Variants in DISC1 observed in about 807,000 individuals in gnomAD.
DISC1 encodes the protein DISC1 scaffold protein, also known as disrupted in schizophrenia 1 protein.
Under a neutral mutation model 84.5 loss-of-function variants are expected in DISC1, and 57 were observed. That is an observed-to-expected ratio of 0.67 (90% CI 0.55 to 0.84). The LOEUF is 0.84. Ranked by LOEUF, DISC1 falls within the 40% of genes least tolerant of loss-of-function variation. The probability of loss-of-function intolerance (pLI) is 0.00; values close to 1 mark genes in which losing one functional copy is unlikely to be tolerated. For missense variants in DISC1, 1,000 were observed against 1,057.8 expected (o/e 0.95, Z 0.76); for synonymous variants, 411 against 415.2 (o/e 0.99, Z 0.12).
At chr1:231,683,197 A>G (rs1431439997) in intron 1 of DISC1, among the ~76,000 whole-genome samples, 1 of 152,188 alleles carries the variant, frequency 6.6e-6, no homozygotes, top group Non-Finnish European at 1.5e-5. Flanking sequence ...CTGCAAAGCA[A>G]CAACCTCTCT....
intron 6 of DISC1, among the ~76,000 whole-genome samples, chr1:231,794,037 G>A (rs993381182): frequency 2.0e-5 from 3 of 152,092 alleles, no homozygotes; most frequent in Non-Finnish European, 2.9e-5. Context: ...ACCCCCCAAG[G>A]CCTCCCAAAG....
chr1:231,900,201 C>T (rs991975227), intron 9 of DISC1, among the ~76,000 whole-genome samples: 1 of 152,210 alleles, frequency 6.6e-6, no homozygotes, highest in Non-Finnish European at 1.5e-5. Flanking sequence ...CAGGAGATCG[C>T]TATTATCAGC....
intron 9 of DISC1, among the ~76,000 whole-genome samples, chr1:231,882,554 T>C (rs2086367922): frequency 6.6e-6 from 1 of 152,228 alleles, no homozygotes; most frequent in Non-Finnish European, 1.5e-5. Context: ...GTTTGAATAA[T>C]CAAAACGTAT....
chr1:231,811,808 G>A (rs2738876), intron 8 of DISC1, among the ~76,000 whole-genome samples: 2 of 152,158 alleles, frequency 1.3e-5, no homozygotes, highest in African/African-American at 4.8e-5. Context: ...TTCAAGTTCA[G>A]CAATCTCGCA....
rs114129385 is a variant in DISC1, at chr1:232,023,853, G to A, written c.2308-2582G>A. Among the ~76,000 whole-genome samples the A allele has an allele frequency of 4.8e-3, 725 of 151,936 alleles. 12 individuals carry two copies. The highest frequency in any genetic ancestry group is 0.017 in the African/African-American group (692 of 41,456). ...TATGTTTCTCCTTCCTGTATGATTT[G>A]TGGTTTCATGACTGTCAATCATTTT... On this transcript the variant is annotated intron_variant, in intron 11 of 12. Transcript: ENST00000439617.
chr1:231,705,468 CGG>C (rs1250280366), intron 3 of DISC1, among the ~76,000 whole-genome samples: 1 of 151,620 alleles, frequency 6.6e-6, no homozygotes, highest in Non-Finnish European at 1.5e-5. Context: ...ATGCAACAGA[CGG>C]GGGATTCCGG....
intron 8 of DISC1, among the ~76,000 whole-genome samples, chr1:231,818,093 C>T (rs1259394867): frequency 6.6e-6 from 1 of 152,086 alleles, no homozygotes; most frequent in Non-Finnish European, 1.5e-5. Flanking sequence ...AATGGAACTC[C>T]TAAAATGGAC....
chr1:231,665,342 T>C (rs571972240), intron 1 of DISC1, among the ~76,000 whole-genome samples: 2 of 152,310 alleles, frequency 1.3e-5, no homozygotes, highest in Middle Eastern at 3.4e-3. Flanking sequence ...CTATAAACTT[T>C]GAGTAACACA....
intron 9 of DISC1, among the ~76,000 whole-genome samples, chr1:231,922,844 C>A (rs936876954): frequency 6.6e-6 from 1 of 152,166 alleles, no homozygotes; most frequent in African/African-American, 2.4e-5. Flanking sequence ...TCTGTGTTTT[C>A]ACCTCACTTA....
At chr1:231,745,831 G>A (rs1479096790) in intron 3 of DISC1, among the ~76,000 whole-genome samples, 1 of 152,128 alleles carries the variant, frequency 6.6e-6, no homozygotes, top group Non-Finnish European at 1.5e-5. Flanking sequence ...TTGGAGATGG[G>A]CCTGGTGGGA....
In DISC1 at chr1:231,694,204, C is replaced by G. The variant is rs750801544; in HGVS notation, c.446C>G (p.Ala149Gly). 3.1e-6 allele frequency: 5 copies of G among 1,614,090 alleles called. No homozygotes were observed. The highest frequency in any genetic ancestry group is 1.7e-5 in the Admixed American group (1 of 60,008). Reference protein sequence around the residue: ...GSAGWQQEFAAMDSSETLDAS... With the variant: ...GSAGWQQEFAGMDSSETLDAS... ...GCTGGGTGGCAGCAAGAGTTTGCAG[C>G]CATGGATAGTTCTGAGACCCTGGAC... Residue 149 changes from alanine (A) to glycine (G), a missense_variant, in exon 2 of 13, where the codon GCC becomes GGC. By Grantham distance (60) the Ala-to-Gly change is moderately conservative. Coordinates refer to ENST00000439617, the MANE Select transcript of DISC1 (RefSeq NM_018662.3).
At chr1:231,635,238 T>G (rs959312331) in intron 1 of DISC1, among the ~76,000 whole-genome samples, 9 of 151,788 alleles carry the variant, frequency 5.9e-5, no homozygotes, top group Non-Finnish European at 1.5e-5. Context: ...ACTCATTATC[T>G]CCCCCCAAGC....
chr1:231,627,772 A>C (rs564740459), intron 1 of DISC1, among the ~76,000 whole-genome samples: 1 of 152,290 alleles, frequency 6.6e-6, no homozygotes, highest in South Asian at 2.1e-4. Flanking sequence ...CAGTCTCCTG[A>C]AATGTAAAGG....
At chr1:231,819,561 T>G (rs2081337980) in intron 9 of DISC1, among the ~76,000 whole-genome samples, 1 of 152,162 alleles carries the variant, frequency 6.6e-6, no homozygotes, top group South Asian at 2.1e-4. Flanking sequence ...AGCTCAGTAC[T>G]TATCTTTTTT....
chr1:231,993,140 T>G (rs1665451897), intron 10 of DISC1, among the ~76,000 whole-genome samples: 1 of 152,104 alleles, frequency 6.6e-6, no homozygotes, highest in Non-Finnish European at 1.5e-5. Context: ...TGGTTGGATT[T>G]CAATGGGTGT....
intron 9 of DISC1, among the ~76,000 whole-genome samples, chr1:231,955,434 A>G (rs1435247488): frequency 1.4e-5 from 2 of 146,828 alleles, no homozygotes; most frequent in South Asian, 4.3e-4. Context: ...GTTGATGGCA[A>G]TTTCTGTTTT....
intron 3 of DISC1, among the ~76,000 whole-genome samples, chr1:231,748,616 T>C (rs2074270304): frequency 6.6e-6 from 1 of 152,204 alleles, no homozygotes; most frequent in South Asian, 2.1e-4. Context: ...ATTATCTTTT[T>C]GATGTGTTGT....
intron 1 of DISC1, among the ~76,000 whole-genome samples, chr1:231,676,321 C>A (rs1354396687): frequency 6.6e-6 from 1 of 152,240 alleles, no homozygotes; most frequent in African/African-American, 2.4e-5. Context: ...GGGACCTTCC[C>A]TGTGACCATT....
At chr1:231,997,898 A>G (rs887896572) in intron 10 of DISC1, among the ~76,000 whole-genome samples, 1 of 152,128 alleles carries the variant, frequency 6.6e-6, no homozygotes, top group Non-Finnish European at 1.5e-5. Context: ...GAAAATAAAC[A>G]AGACTGCTTT....
Sources: gnomAD v4.1 joint callset for allele counts (sites outside exome capture counted in the v4.1 genomes callset) on GRCh38, gnomAD v4.1.1 for gene constraint, MANE v1.5 for transcripts, NCBI Gene and HGNC (gene_info 2026-07-23, HGNC 2026-07-21) for gene names.